TSC22D2: variants seen among roughly 807,000 people sequenced by gnomAD.
TSC22D2 encodes TSC22 domain family member 2.
TSC22D2 carries 5 observed loss-of-function variants against 50.1 expected under a neutral mutation model. That is an observed-to-expected ratio of 0.10 (90% CI 0.05 to 0.21). The LOEUF is 0.21. Among genes scored for constraint, TSC22D2 ranks in the 10% least tolerant of loss-of-function variants. TSC22D2 has a pLI of 1.00. For missense variants in TSC22D2, 1,003 were observed against 1,015.5 expected (o/e 0.99, Z 0.17); for synonymous variants, 501 against 450.1 (o/e 1.11, Z -1.43).
In TSC22D2 at chr3:150,410,437, C is replaced by A; in HGVS notation, c.1087C>A (p.Gln363Lys). Residue 363 changes from glutamine (Q) to lysine (K), a missense_variant, in exon 1 of 3, where the codon CAG becomes AAG. Coordinates refer to ENST00000688009, the MANE Select transcript of TSC22D2 (RefSeq NM_001303264.2). ...CCAGCAGTTCGCGTATCCTCAGCCTCAGATACCGCCCGGACATTTGCTGCC... is the reference window on the plus strand; with the variant it reads ...CCAGCAGTTCGCGTATCCTCAGCCTAAGATACCGCCCGGACATTTGCTGCC... ...QPQQFAYPQP[Q>K]IPPGHLLPVQ... The A allele has an allele frequency of 6.2e-7, 1 of 1,609,528 alleles. No homozygotes were observed. The highest frequency in any genetic ancestry group is 8.5e-7 in the Non-Finnish European group (1 of 1,178,716).
chr3:150,409,112 CGCCGCGGGACTGA>C lies in TSC22D2; in HGVS notation c.-237_-225del, dbSNP rs1719387729. Reference sequence around the variant, plus strand: ...CGAGAGCTAAAAAGGAAGGAGGAGCCGCCGCGGGACTGAGACGGGGGCAGAGCCGAAGAGACCG... The same window carrying C: ...CGAGAGCTAAAAAGGAAGGAGGAGCCGACGGGGGCAGAGCCGAAGAGACCG... On this transcript the variant is annotated 5_prime_UTR_variant, in exon 1 of 3. Transcript: ENST00000688009. The surrounding 1 kb of genome is among the most constrained non-coding windows in gnomAD (Gnocchi z 7.4). 1 of 414,968 alleles carries C rather than the reference CGCCGCGGGACTGA, an allele frequency of 2.4e-6. No homozygotes were observed. Among genetic ancestry groups the C allele is most frequent in the African/African-American group, 2.0e-5 (1 of 49,890 alleles). The allele number at this position is 414,968 out of a possible 1,614,324, so 25.7% of individuals were successfully genotyped here.
At chr3:150,419,166 G>C (rs1408656222) in intron 1 of TSC22D2, among the ~76,000 whole-genome samples, 1 of 152,040 alleles carries the variant, frequency 6.6e-6, no homozygotes, top group Non-Finnish European at 1.5e-5. Flanking sequence ...CAATTTGTAA[G>C]AAAGTGGTTT....
At chr3:150,423,334 GTATATC>G (rs1720075815) in intron 1 of TSC22D2, 4 of 335,966 alleles carry the variant, frequency 1.2e-5, no homozygotes, top group Non-Finnish European at 2.1e-5. Context: ...TGTACTTTAA[GTATATC>G]TATATTTTTG....
intron 1 of TSC22D2, among the ~76,000 whole-genome samples, chr3:150,432,313 A>G (rs1247217370): frequency 6.6e-6 from 1 of 152,110 alleles, no homozygotes; most frequent in East Asian, 1.9e-4. Context: ...AAGTCACCCC[A>G]GCCTATTTTG....
At chr3:150,418,224 A>G (rs1719888967) in intron 1 of TSC22D2, among the ~76,000 whole-genome samples, 1 of 151,906 alleles carries the variant, frequency 6.6e-6, no homozygotes, top group South Asian at 2.1e-4. Context: ...TGGAATACAA[A>G]TATGAGACTA....
intron 1 of TSC22D2, among the ~76,000 whole-genome samples, chr3:150,454,561 T>G (rs1721131793): frequency 6.6e-6 from 1 of 152,180 alleles, no homozygotes; most frequent in South Asian, 2.1e-4. Flanking sequence ...CCTGGTTCCA[T>G]GCCTACTGAA....
intron 2 of TSC22D2, 36 bp from the exon 3 acceptor site, chr3:150,458,340 T>G: frequency 3.1e-6 from 5 of 1,590,708 alleles, no homozygotes; most frequent in Non-Finnish European, 4.3e-6. Flanking sequence ...CTTTATCTTT[T>G]CACTCTTTTG....
intron 1 of TSC22D2, among the ~76,000 whole-genome samples, chr3:150,428,452 A>C (rs1003777915): frequency 2.0e-5 from 3 of 152,100 alleles, no homozygotes; most frequent in Non-Finnish European, 4.4e-5. Flanking sequence ...GGTTATGTTC[A>C]GATGACATTA....
At chr3:150,424,498 T>G (rs1329038569) in intron 1 of TSC22D2, among the ~76,000 whole-genome samples, 1 of 152,156 alleles carries the variant, frequency 6.6e-6, no homozygotes, top group African/African-American at 2.4e-5. Context: ...GTAGGAAGGT[T>G]TGAGCTATAT....
rs1258546439 is a variant in TSC22D2 at position 150,466,193 on chromosome 3, A to T, written c.*7557A>T. 2 of 53,816 alleles carry T rather than the reference A, an allele frequency of 3.7e-5. No individual in the cohort carries two copies. Among genetic ancestry groups the T allele is most frequent in the African/African-American group, 5.6e-5 (1 of 17,724 alleles). 3.3% of individuals were successfully genotyped at this position (53,816 alleles called of 1,614,324 possible). On this transcript the variant is annotated 3_prime_UTR_variant, in exon 3 of 3. Coordinates refer to ENST00000688009, the MANE Select transcript of TSC22D2 (RefSeq NM_001303264.2). ...GATACTAGTGATGTTAAATCACATC[A>T]CACACACACACACACACACACACAC...
At chr3:150,424,492 G>A (rs772129892) in intron 1 of TSC22D2, among the ~76,000 whole-genome samples, 18 of 152,130 alleles carry the variant, frequency 1.2e-4, no homozygotes, top group Non-Finnish European at 7.4e-5. Context: ...ATCAGTGTAG[G>A]AAGGTTTGAG....
At chr3:150,437,210 TAATA>T (rs781769746) in intron 1 of TSC22D2, among the ~76,000 whole-genome samples, 28 of 152,298 alleles carry the variant, frequency 1.8e-4, no homozygotes, top group Non-Finnish European at 3.4e-4. Flanking sequence ...TGGTAAAATT[TAATA>T]AATTTAACAG....
chr3:150,410,258 A>G lies in TSC22D2; in HGVS notation c.908A>G (p.Gln303Arg). The change falls in exon 1 of 3, where the codon CAG (glutamine) becomes CGG (arginine). Residue 303 changes from glutamine (Q) to arginine (R), a missense_variant. Gln to Arg is a conservative substitution (Grantham distance 43). Around this residue, in one of 6 missense-constraint regions of TSC22D2, gnomAD observed 696 missense variants for 647.8 expected, o/e 1.07. Coordinates refer to ENST00000688009, the MANE Select transcript of TSC22D2 (RefSeq NM_001303264.2). ...PPFPGAATGP[Q>R]PMMAAAQPSQ... ...TTCCCGGGAGCCGCGACCGGGCCGC[A>G]GCCAATGATGGCAGCCGCGCAGCCC... 1 of 1,558,812 alleles carries G rather than the reference A, an allele frequency of 6.4e-7. No homozygotes were observed.
intron 1 of TSC22D2, among the ~76,000 whole-genome samples, chr3:150,453,265 T>G (rs995853061): frequency 6.6e-6 from 1 of 151,732 alleles, no homozygotes; most frequent in Non-Finnish European, 1.5e-5. Context: ...TATAGTATTA[T>G]AACATTAGGT....
At chr3:150,415,718 TAGG>T (rs1350792020) in intron 1 of TSC22D2, among the ~76,000 whole-genome samples, 1 of 152,056 alleles carries the variant, frequency 6.6e-6, no homozygotes, top group African/African-American at 2.4e-5. Flanking sequence ...GGGGAGGCTG[TAGG>T]AGGAGGATTG....
At chr3:150,413,498 G>A (rs1325402123) in intron 1 of TSC22D2, among the ~76,000 whole-genome samples, 1 of 149,668 alleles carries the variant, frequency 6.7e-6, no homozygotes, top group African/African-American at 2.5e-5. Flanking sequence ...TTTGTCACTG[G>A]TCCAACATAC....
rs147415411 is a variant in TSC22D2, at chr3:150,458,591, G to T, written c.2226G>T (p.Pro742=). The change falls in exon 3 of 3, where the codon CCG becomes CCT. Residue 742 remains proline, a synonymous_variant. Transcript: ENST00000688009. The stretch of plus-strand genomic sequence containing the variant: ...AGCAAGCAGTGATAGCACAGCCTCC[G>T]CAGCCAACGCAACCTCCACAGCAGC... ...SQQQAVIAQP[P]QPTQPPQQPN... 1 of 1,613,998 alleles carries T rather than the reference G, an allele frequency of 6.2e-7. No homozygotes were observed. The highest frequency in any genetic ancestry group is 8.5e-7 in the Non-Finnish European group (1 of 1,179,996).
chr3:150,410,733 T>A lies in TSC22D2; in HGVS notation c.1383T>A (p.Thr461=). 1 of 1,599,900 alleles carries A rather than the reference T, an allele frequency of 6.3e-7. No individual in the cohort carries two copies. Among genetic ancestry groups the A allele is most frequent in the South Asian group, 1.1e-5 (1 of 89,424 alleles). The change falls in exon 1 of 3, where the codon ACT becomes ACA. Residue 461 remains threonine (T), a synonymous_variant. Coordinates refer to ENST00000688009, the MANE Select transcript of TSC22D2 (RefSeq NM_001303264.2). ...PCQPTGVPPA[T]VGGVVQPCLG... ...AGCCGACTGGAGTGCCCCCGGCTAC[T>A]GTGGGAGGCGTGGTGCAGCCGTGCC...
At chr3:150,424,332 G>C (rs1293722796) in intron 1 of TSC22D2, among the ~76,000 whole-genome samples, 3 of 152,088 alleles carry the variant, frequency 2.0e-5, no homozygotes, top group Non-Finnish European at 4.4e-5. Flanking sequence ...GAGTACTTTG[G>C]GGTATGCTTT....
Sources: gnomAD v4.1 joint callset for allele counts (sites outside exome capture counted in the v4.1 genomes callset) on GRCh38, gnomAD v4.1.1 for gene constraint, gnomAD v4.1.1 regional missense constraint, Gnocchi (gnomAD v3.1) non-coding constraint, MANE v1.5 for transcripts, NCBI Gene and HGNC (gene_info 2026-07-23, HGNC 2026-07-21) for gene names.